Variants in PTPRN2 observed in about 807,000 individuals in gnomAD.
PTPRN2 encodes the protein receptor-type tyrosine-protein phosphatase N2.
In PTPRN2, 74 loss-of-function variants were observed where a neutral mutation model predicts 118.8. That is an observed-to-expected ratio of 0.62 (90% CI 0.52 to 0.76). PTPRN2 has a LOEUF of 0.76. PTPRN2 is among the 30% of genes least tolerant of loss of function. PTPRN2 has a pLI of 0.00. For missense variants in PTPRN2, 1,481 were observed against 1,394.4 expected (o/e 1.06, Z -0.99); for synonymous variants, 641 against 608.0 (o/e 1.05, Z -0.80).
chr7:157,772,348 C>G (rs1261456760), intron 12 of PTPRN2, among the ~76,000 whole-genome samples: 6 of 139,714 alleles, frequency 4.3e-5, no homozygotes, highest in East Asian at 2.1e-4. Flanking sequence ...CAGACATACA[C>G]ACACACACAT....
intron 12 of PTPRN2, among the ~76,000 whole-genome samples, chr7:157,870,351 T>C (rs1438403526): frequency 6.6e-6 from 1 of 152,350 alleles, no homozygotes; most frequent in Admixed American, 6.5e-5. Flanking sequence ...TTCAATATCA[T>C]CTCATTCTTT....
intron 11 of PTPRN2, among the ~76,000 whole-genome samples, chr7:158,055,649 G>A (rs373815659): frequency 6.6e-4 from 100 of 152,306 alleles, no homozygotes; most frequent in Middle Eastern, 3.4e-3. Context: ...AAATAATGGC[G>A]TAAGCTGTCT....
chr7:158,369,480 C>T (rs527421697), intron 2 of PTPRN2, among the ~76,000 whole-genome samples: 1 of 152,236 alleles, frequency 6.6e-6, no homozygotes, highest in South Asian at 2.1e-4. Context: ...ATGCTATCAG[C>T]ACCAGGCTGA....
chr7:158,550,749 G>A (rs1364569135), intron 1 of PTPRN2, among the ~76,000 whole-genome samples: 1 of 152,168 alleles, frequency 6.6e-6, no homozygotes, highest in East Asian at 1.9e-4. Flanking sequence ...GTCGTTAATG[G>A]GCTGGGACCT....
chr7:158,245,686 C>A (rs1367663399), intron 3 of PTPRN2, among the ~76,000 whole-genome samples: 1 of 152,150 alleles, frequency 6.6e-6, no homozygotes, highest in Non-Finnish European at 1.5e-5. Flanking sequence ...TGGGAGCTGC[C>A]TTCTAGGCCC....
intron 11 of PTPRN2, among the ~76,000 whole-genome samples, chr7:157,943,908 G>A (rs1007794988): frequency 6.6e-6 from 1 of 152,146 alleles, no homozygotes; most frequent in Non-Finnish European, 1.5e-5. Flanking sequence ...TAGTGTTTTT[G>A]TATCTGTTTT....
chr7:157,546,009 C>T (rs952211974), intron 22 of PTPRN2, among the ~76,000 whole-genome samples: 2 of 152,144 alleles, frequency 1.3e-5, no homozygotes, highest in Admixed American at 6.5e-5. Flanking sequence ...AGCGCAGTCA[C>T]GGATTAAGAT....
chr7:157,630,446 C>T (rs1013983026), intron 14 of PTPRN2, among the ~76,000 whole-genome samples: 3 of 152,182 alleles, frequency 2.0e-5, no homozygotes, highest in African/African-American at 7.2e-5. Context: ...AAGCAATGCC[C>T]ACAACGTGAG....
chr7:157,711,940 G>T (rs1366886166), intron 12 of PTPRN2, among the ~76,000 whole-genome samples: 1 of 125,960 alleles, frequency 7.9e-6, no homozygotes, highest in Non-Finnish European at 1.7e-5. Flanking sequence ...CATGAGTGGG[G>T]GGAGGGGCTG....
At chr7:158,488,601 C>A (rs1821200025) in intron 2 of PTPRN2, among the ~76,000 whole-genome samples, 1 of 152,224 alleles carries the variant, frequency 6.6e-6, no homozygotes, top group African/African-American at 2.4e-5. Context: ...CCTGGATGCA[C>A]CAGTGCAGGG....
intron 11 of PTPRN2, among the ~76,000 whole-genome samples, chr7:157,908,868 T>C (rs541360927): frequency 1.8e-4 from 26 of 144,534 alleles, no homozygotes; most frequent in South Asian, 1.0e-3. Context: ...TTTTGAAGCA[T>C]AGTTTTAGTT....
chr7:158,538,819 A>G (rs754710599), intron 1 of PTPRN2, among the ~76,000 whole-genome samples: 1 of 152,098 alleles, frequency 6.6e-6, no homozygotes, highest in Non-Finnish European at 1.5e-5. Flanking sequence ...CAGCCTCGTA[A>G]CCCCAACAAC....
chr7:157,729,016 A>G lies in PTPRN2; in HGVS notation c.1789-46079T>C, dbSNP rs906095091. 2.6e-5 allele frequency among the ~76,000 whole-genome samples: 4 copies of G among 152,228 alleles called. No homozygotes were observed. The highest frequency in any genetic ancestry group is 9.6e-5 in the African/African-American group (4 of 41,458). ...AGTTTGGCTCACGTGATCCAGTCAC[A>G]CAGAGGTCGGTCGTTGTCTGGACAC... On this transcript the variant is annotated intron_variant, in intron 12 of 22. Transcript: ENST00000389418. The surrounding 1 kb of genome is among the most constrained non-coding windows in gnomAD (Gnocchi z 4.3).
At chr7:157,734,413 A>G (rs1450899656) in intron 12 of PTPRN2, among the ~76,000 whole-genome samples, 1 of 152,264 alleles carries the variant, frequency 6.6e-6, no homozygotes, top group Admixed American at 6.5e-5. Context: ...AGGAAAACCC[A>G]ATTCAGCTTT....
intron 2 of PTPRN2, among the ~76,000 whole-genome samples, chr7:158,317,369 G>A (rs1415449962): frequency 6.6e-6 from 1 of 152,256 alleles, no homozygotes; most frequent in East Asian, 1.9e-4. Flanking sequence ...ACAAGGATCG[G>A]CGGAGACGCC....
intron 21 of PTPRN2, among the ~76,000 whole-genome samples, chr7:157,552,051 C>T (rs1171409280): frequency 6.6e-6 from 1 of 151,056 alleles, no homozygotes; most frequent in African/African-American, 2.4e-5. Flanking sequence ...ACCCCATGAC[C>T]ACCACACACT....
chr7:157,994,449 A>G (rs1049987486), intron 11 of PTPRN2, among the ~76,000 whole-genome samples: 3 of 146,456 alleles, frequency 2.0e-5, no homozygotes, highest in East Asian at 2.0e-4. Context: ...ATTGGGATGA[A>G]TCTGAGGCAG....
rs1330574925 is a variant in PTPRN2 at position 157,785,411 on chromosome 7, G to A, written c.1789-102474C>T. The stretch of plus-strand genomic sequence containing the variant: ...TCGCCCCCGAGGATGAAAGGGGGTG[G>A]TGGAAAAGGCCTTGGAGCCTGGGGC... On this transcript the variant is annotated intron_variant, in intron 12 of 22. Transcript: ENST00000389418. The surrounding 1 kb of genome is among the most constrained non-coding windows in gnomAD (Gnocchi z 7.3). Among the ~76,000 whole-genome samples the A allele has an allele frequency of 6.6e-6, 1 of 152,200 alleles. No homozygotes were observed. The highest frequency in any genetic ancestry group is 1.5e-5 in the Non-Finnish European group (1 of 68,046).
At chr7:158,214,830 C>T (rs1827848491) in intron 3 of PTPRN2, among the ~76,000 whole-genome samples, 1 of 152,156 alleles carries the variant, frequency 6.6e-6, no homozygotes, top group South Asian at 2.1e-4. Flanking sequence ...ACTTCCATCT[C>T]CCTGTCAGTT....
Sources: allele counts gnomAD v4.1 joint callset (sites outside exome capture counted in the v4.1 genomes callset), GRCh38; gene constraint gnomAD v4.1.1; non-coding constraint Gnocchi (gnomAD v3.1); transcripts MANE v1.5; gene names NCBI Gene and HGNC (gene_info 2026-07-23, HGNC 2026-07-21).